Variants in FUT8 observed in about 807,000 individuals in gnomAD.
FUT8 encodes the protein fucosyltransferase 8.
A neutral mutation model predicts 71.3 loss-of-function variants in FUT8; 29 were observed. That is an observed-to-expected ratio of 0.41 (90% CI 0.30 to 0.55). The LOEUF is 0.55. Among genes scored for constraint, FUT8 ranks in the 20% least tolerant of loss-of-function variants. FUT8 has a pLI of 0.34. For synonymous variants in FUT8, 254 were observed against 239.3 expected (o/e 1.06, Z -0.57); for missense variants, 544 against 702.1 (o/e 0.77, Z 2.55).
chr14:65,406,786 C>T (rs2065090429), upstream of FUT8, among the ~76,000 whole-genome samples: 1 of 152,226 alleles, frequency 6.6e-6, no homozygotes. Flanking sequence ...AATCTGCCCA[C>T]ATCGGCCTCC....
rs1206308903 is a variant in FUT8, at chr14:65,603,693, A to G, written c.204-12285A>G. ...TTATTTATCTTTTCAAAAGAACAAA[A>G]ATACACTAAAAAAAAATCCAAGGTA... On this transcript the variant is annotated intron_variant, in intron 3 of 10. Coordinates refer to ENST00000673929, the MANE Select transcript of FUT8 (RefSeq NM_001371533.1). This position sits in a 1 kb window ranked among gnomAD's most constrained non-coding sequence, Gnocchi z 4.5. Among the ~76,000 whole-genome samples, 1 of 151,702 alleles carries G rather than the reference A, an allele frequency of 6.6e-6. No individual in the cohort carries two copies. The highest frequency in any genetic ancestry group is 1.5e-5 in the Non-Finnish European group (1 of 67,848).
In FUT8 at chr14:65,607,693, T is replaced by A. The variant is rs922864598; in HGVS notation, c.204-8285T>A. On this transcript the variant is annotated intron_variant, in intron 3 of 10. Transcript: ENST00000673929. This position sits in a 1 kb window ranked among gnomAD's most constrained non-coding sequence, Gnocchi z 4.1. ...CTTATACTAATCTCAGGAATGGAAT[T>A]TTAGAATTTCCTCTCTTTTTATATT... 1.3e-5 allele frequency among the ~76,000 whole-genome samples: 2 copies of A among 151,868 alleles called. No homozygotes were observed. The highest frequency in any genetic ancestry group is 4.8e-5 in the African/African-American group (2 of 41,400).
chr14:65,439,987 T>TATATATATATATATAC (rs1358951833), intron 1 of FUT8, among the ~76,000 whole-genome samples: 2 of 138,082 alleles, frequency 1.4e-5, no homozygotes, highest in Non-Finnish European at 3.1e-5. Flanking sequence ...TATATATATA[T>TATATATATATATATAC]ATATGTACAC....
intron 6 of FUT8, among the ~76,000 whole-genome samples, chr14:65,663,873 T>G (rs143306156): frequency 1.3e-5 from 2 of 152,258 alleles, no homozygotes; most frequent in Non-Finnish European, 2.9e-5. Context: ...CTTTCTTAAA[T>G]GCAGATGTGA....
intron 2 of FUT8, among the ~76,000 whole-genome samples, chr14:65,554,907 TG>T (rs1885506492): frequency 6.6e-6 from 1 of 152,184 alleles, no homozygotes; most frequent in Non-Finnish European, 1.5e-5. Flanking sequence ...CTTTGAAGAT[TG>T]TTGAGTTTTA....
chr14:65,729,834 G>A (rs1369796099), intron 9 of FUT8, among the ~76,000 whole-genome samples: 1 of 152,204 alleles, frequency 6.6e-6, no homozygotes, highest in East Asian at 1.9e-4. Context: ...TCCCCTGCCA[G>A]TGGTAGTCCA....
At chr14:65,517,093 A>G (rs1222212964) in intron 2 of FUT8, among the ~76,000 whole-genome samples, 2 of 152,000 alleles carry the variant, frequency 1.3e-5, no homozygotes, top group African/African-American at 4.8e-5. Flanking sequence ...TGTGTATACC[A>G]CATTTTGCTT....
chr14:65,573,032 C>T (rs1345555985), intron 3 of FUT8, among the ~76,000 whole-genome samples: 1 of 152,036 alleles, frequency 6.6e-6, no homozygotes, highest in African/African-American at 2.4e-5. Flanking sequence ...CTGATGGACT[C>T]TGATATTTGG....
intron 2 of FUT8, among the ~76,000 whole-genome samples, chr14:65,466,736 C>T (rs893792492): frequency 2.0e-5 from 3 of 151,502 alleles, no homozygotes; most frequent in African/African-American, 7.3e-5. Context: ...GGCGACAGAG[C>T]AAGACTGTCT....
chr14:65,366,152 C>T, the FUT8 span, among the ~76,000 whole-genome samples: 39 of 152,120 alleles, frequency 2.6e-4, no homozygotes, highest in Non-Finnish European at 4.6e-4. Context: ...AGAGACAGCA[C>T]AAGACAGACA....
intron 2 of FUT8, among the ~76,000 whole-genome samples, chr14:65,521,819 C>T (rs560461773): frequency 6.6e-6 from 1 of 151,692 alleles, no homozygotes; most frequent in South Asian, 2.1e-4. Flanking sequence ...AAACACATGG[C>T]AGGCAATTTG....
intron 6 of FUT8, among the ~76,000 whole-genome samples, chr14:65,635,996 A>G (rs1025714462): frequency 2.0e-5 from 3 of 151,428 alleles, no homozygotes; most frequent in Non-Finnish European, 4.4e-5. Context: ...GTAACTTTTT[A>G]ATTACCATTT....
At chr14:65,412,091 C>A (rs553999657), upstream of FUT8, 2 of 456,640 alleles carry the variant, frequency 4.4e-6, no homozygotes, top group Non-Finnish European at 8.8e-6. Context: ...GTCGCAGCCG[C>A]GGGTCGGGAG....
At chr14:65,623,915 A>G (rs1322870983) in intron 5 of FUT8, among the ~76,000 whole-genome samples, 4 of 152,120 alleles carry the variant, frequency 2.6e-5, no homozygotes, top group Admixed American at 2.6e-4. Flanking sequence ...TCAAAACCAC[A>G]ACAGCCAGAT....
chr14:65,548,865 C>G (rs957469388), intron 2 of FUT8, among the ~76,000 whole-genome samples: 2 of 151,960 alleles, frequency 1.3e-5, no homozygotes, highest in African/African-American at 4.8e-5. Context: ...ATATAAAGAA[C>G]TCAAGTCTCA....
intron 7 of FUT8, among the ~76,000 whole-genome samples, chr14:65,717,852 A>C (rs1000469791): frequency 6.6e-6 from 1 of 152,090 alleles, no homozygotes; most frequent in Admixed American, 6.5e-5. Context: ...TTTTTCTTGA[A>C]ATCTATTTTG....
the FUT8 span, among the ~76,000 whole-genome samples, chr14:65,391,575 C>T: frequency 2.6e-4 from 39 of 152,262 alleles, no homozygotes; most frequent in East Asian, 6.8e-3. Context: ...AAGCTGGTCT[C>T]GAACTCCTGA....
In FUT8 at chr14:65,525,983, T is replaced by TA. The variant is rs1594737605; in HGVS notation, c.-227-35353dup. On this transcript the variant is annotated intron_variant, in intron 2 of 10. Coordinates refer to ENST00000673929, the MANE Select transcript of FUT8 (RefSeq NM_001371533.1). Reference sequence around the variant, plus strand: ...TCCTGAGGTGTGCTTTACTTCCAATTATGTGGTCAATTTTGGAATAAGTGC... The same window carrying TA: ...TCCTGAGGTGTGCTTTACTTCCAATTAATGTGGTCAATTTTGGAATAAGTGC... Among the ~76,000 whole-genome samples the TA allele has an allele frequency of 2.0e-5, 3 of 152,280 alleles. No homozygotes were observed. The East Asian group carries it at 5.8e-4, about 29-fold the overall frequency.
At chr14:65,548,859 A>G (rs1885123760) in intron 2 of FUT8, among the ~76,000 whole-genome samples, 1 of 152,172 alleles carries the variant, frequency 6.6e-6, no homozygotes, top group Admixed American at 6.5e-5. Flanking sequence ...CAGAATATAT[A>G]AAGAACTCAA....
Sources: allele counts gnomAD v4.1 joint callset (sites outside exome capture counted in the v4.1 genomes callset), GRCh38; gene constraint gnomAD v4.1.1; non-coding constraint Gnocchi (gnomAD v3.1); transcripts MANE v1.5; gene names NCBI Gene and HGNC (gene_info 2026-07-23, HGNC 2026-07-21).